Variants in ZFR2 observed in about 807,000 individuals in gnomAD.
ZFR2 encodes the protein zinc finger RNA-binding protein 2.
ZFR2 carries 104 observed loss-of-function variants against 105.7 expected under a neutral mutation model. The ratio of observed to expected loss-of-function variants is 0.98; its 90% confidence interval spans 0.84 to 1.16. The LOEUF is 1.16. Among genes scored for constraint, ZFR2 ranks in the 50% most tolerant of loss-of-function variants. ZFR2 has a pLI of 0.00. For missense variants in ZFR2, 1,425 were observed against 1,355.5 expected (o/e 1.05, Z -0.80); for synonymous variants, 634 against 597.7 (o/e 1.06, Z -0.89).
chr19:3,857,849 C>G (rs1022001689), intron 1 of ZFR2, among the ~76,000 whole-genome samples: 5 of 152,150 alleles, frequency 3.3e-5, no homozygotes, highest in Non-Finnish European at 7.3e-5. Flanking sequence ...CAGCTGCCAT[C>G]TCCATGACAA....
intron 14 of ZFR2, among the ~76,000 whole-genome samples, chr19:3,812,226 G>T (rs949537019): frequency 6.6e-6 from 1 of 152,120 alleles, no homozygotes; most frequent in African/African-American, 2.4e-5. Context: ...TTACAGGCGT[G>T]AGCCACCGCG....
chr19:3,836,932 A>T (rs1186551553), intron 1 of ZFR2, among the ~76,000 whole-genome samples: 1 of 152,236 alleles, frequency 6.6e-6, no homozygotes. Context: ...TATATTAAAA[A>T]GTGAACCTCC....
intron 1 of ZFR2, among the ~76,000 whole-genome samples, chr19:3,851,464 G>A (rs1321875991): frequency 6.6e-6 from 1 of 152,160 alleles, no homozygotes; most frequent in Non-Finnish European, 1.5e-5. Flanking sequence ...GCAAATGCAT[G>A]CACACACACG....
In ZFR2 at chr19:3,806,004, T is replaced by C; in HGVS notation, c.2765A>G (p.Glu922Gly). ...CCGCTTCTTCTCCCCTGCGCCCTCCTCTCCCTCGCCAGGTCCCCGTTGCCT... is the reference window on the plus strand; with the variant it reads ...CCGCTTCTTCTCCCCTGCGCCCTCCCCTCCCTCGCCAGGTCCCCGTTGCCT... Reference protein sequence around the residue: ...RKRQRGPGEGEEGAGEKKRGR... With the variant: ...RKRQRGPGEGGEGAGEKKRGR... The change falls in exon 19 of 19, where the codon GAG becomes GGG. Residue 922 changes from glutamate to glycine, a missense_variant. By Grantham distance (98) the Glu-to-Gly change is moderately conservative. Transcript: ENST00000262961. 1 of 1,546,326 alleles carries C rather than the reference T, an allele frequency of 6.5e-7. No individual in the cohort carries two copies. Among genetic ancestry groups the C allele is most frequent in the Admixed American group, 2.0e-5 (1 of 51,126 alleles).
At chr19:3,850,538 T>C (rs1344807987) in intron 1 of ZFR2, among the ~76,000 whole-genome samples, 1 of 151,974 alleles carries the variant, frequency 6.6e-6, no homozygotes, top group Non-Finnish European at 1.5e-5. Flanking sequence ...ATGAAGGTTA[T>C]ATGACGTCAT....
chr19:3,831,343 T>A lies in ZFR2; in HGVS notation c.812A>T (p.His271Leu), dbSNP rs1340441299. The part of the protein sequence containing the change: ...PKAGPRQLQL[H>L]YCDICKISCA... The stretch of plus-strand genomic sequence containing the variant: ...GCTGATCTTGCAGATGTCGCAGTAG[T>A]GAAGCTGGAGCTGCCTGGGCCCCGC... The change falls in exon 5 of 19, where the codon CAC (histidine) becomes CTC (leucine). Residue 271 changes from histidine to leucine, a missense_variant. Transcript: ENST00000262961. 13 of 1,558,108 alleles carry A rather than the reference T, an allele frequency of 8.3e-6. No homozygotes were observed. Among genetic ancestry groups the A allele is most frequent in the South Asian group, 1.2e-5 (1 of 84,740 alleles).
At position 3,838,406 on chromosome 19, in the gene ZFR2, C is replaced by T. The variant is rs373631243; in HGVS notation, c.54-3423G>A. Among the ~76,000 whole-genome samples, 18 of 152,256 alleles carry T rather than the reference C, an allele frequency of 1.2e-4. 3 individuals carry two copies. Among genetic ancestry groups the T allele is most frequent in the East Asian group, 3.9e-4 (2 of 5,184 alleles). On this transcript the variant is annotated intron_variant, in intron 1 of 18. Coordinates refer to ENST00000262961, the MANE Select transcript of ZFR2 (RefSeq NM_015174.2). This position sits in a 1 kb window ranked among gnomAD's most constrained non-coding sequence, Gnocchi z 4.9. ...TATCCAGGCTGCACTGAGCACCGAC[C>T]GATGAGCCAAAGAGAGGAAGGTGGA...
Position 3,823,360 on chromosome 19 carries a change from C to G in ZFR2, c.1257G>C (p.Gly419=). The G allele has an allele frequency of 6.2e-7, 1 of 1,613,742 alleles. No individual in the cohort carries two copies. The highest frequency in any genetic ancestry group is 8.5e-7 in the Non-Finnish European group (1 of 1,179,740). The change falls in exon 8 of 19, where the codon GGG becomes GGC. Residue 419 remains glycine (G), a synonymous_variant. Transcript: ENST00000262961. This position sits in a 1 kb window ranked among gnomAD's most constrained non-coding sequence, Gnocchi z 5.4. ...PQAAGCRPQW[G]KPAQPKLEGP... Reference sequence around the variant, plus strand: ...CCTCTAATTTAGGTTGGGCTGGTTTCCCCCACTGGGGTCTGCAGCCTGCTG... The same window carrying G: ...CCTCTAATTTAGGTTGGGCTGGTTTGCCCCACTGGGGTCTGCAGCCTGCTG...
intron 9 of ZFR2, 61 bp from the exon 10 acceptor site, chr19:3,821,540 G>A: frequency 6.8e-7 from 1 of 1,468,824 alleles, no homozygotes; most frequent in Non-Finnish European, 9.1e-7. Context: ...GATGCCAGGA[G>A]GATCTTGGGG....
intron 1 of ZFR2, among the ~76,000 whole-genome samples, chr19:3,866,666 C>T (rs1348791298): frequency 6.6e-6 from 1 of 152,008 alleles, no homozygotes; most frequent in Admixed American, 6.6e-5. Context: ...TGGAAGAATA[C>T]AATGGAGAAA....
At chr19:3,855,966 CGGA>C (rs895383223) in intron 1 of ZFR2, among the ~76,000 whole-genome samples, 1 of 152,076 alleles carries the variant, frequency 6.6e-6, no homozygotes, top group African/African-American at 2.4e-5. Flanking sequence ...GGGTTTCCAG[CGGA>C]GGAGGGACAT....
At chr19:3,848,032 C>T (rs947293194) in intron 1 of ZFR2, among the ~76,000 whole-genome samples, 3 of 152,192 alleles carry the variant, frequency 2.0e-5, no homozygotes, top group Non-Finnish European at 4.4e-5. Context: ...ATGATCGGCC[C>T]AAGATATAGT....
In ZFR2 at chr19:3,815,237, C is replaced by G. The variant is rs139059231; in HGVS notation, c.2104-1279G>C. Among the ~76,000 whole-genome samples, 126 of 152,104 alleles carry G rather than the reference C, an allele frequency of 8.3e-4. 1 individual carries two copies. In the East Asian group the frequency reaches 0.019, roughly 23 times the overall value. ...CCTGAGTAGCTGGGATTACAGGCGC[C>G]CACCACCATGCCCGGCTAATTTTTG... On this transcript the variant is annotated intron_variant, in intron 13 of 18. Transcript: ENST00000262961.
intron 15 of ZFR2, 115 bp downstream of exon 15, chr19:3,811,157 G>C (rs1402170043): frequency 9.6e-7 from 1 of 1,042,878 alleles, no homozygotes; most frequent in Non-Finnish European, 1.3e-6. Flanking sequence ...CAGGCGTCCC[G>C]GTCTGCGCTG....
chr19:3,852,976 A>C (rs568398221), intron 1 of ZFR2, among the ~76,000 whole-genome samples: 1 of 152,252 alleles, frequency 6.6e-6, no homozygotes, highest in East Asian at 1.9e-4. Flanking sequence ...TCCAGCCTCA[A>C]ATGTCAAAAG....
chr19:3,820,389 G>T, intron 10 of ZFR2, 99 bp from the exon 11 acceptor site: 1 of 1,187,806 alleles, frequency 8.4e-7, no homozygotes, highest in Non-Finnish European at 1.2e-6. Flanking sequence ...CAGCAAGGAA[G>T]GAAGGGCCAA....
intron 1 of ZFR2, among the ~76,000 whole-genome samples, chr19:3,859,316 C>T (rs746312462): frequency 6.6e-6 from 1 of 152,190 alleles, no homozygotes; most frequent in Non-Finnish European, 1.5e-5. Flanking sequence ...CACAGACTGA[C>T]GGCTGTGCTG....
rs762326913 is a variant in ZFR2 at position 3,816,826 on chromosome 19, G to A, written c.1951C>T (p.Arg651Trp). 19 of 1,568,906 alleles carry A rather than the reference G, an allele frequency of 1.2e-5. No homozygotes were observed. The highest frequency in any genetic ancestry group is 4.7e-5 in the South Asian group (4 of 85,616). ...ACTCGCATGACGCCTTTCAGGACCCGAGTCTGGGGGGCAACGCTGCTGTGG... is the reference window on the plus strand; with the variant it reads ...ACTCGCATGACGCCTTTCAGGACCCAAGTCTGGGGGGCAACGCTGCTGTGG... The part of the protein sequence containing the change: ...DKRSSVAPQT[R>W]VLKGVMRVGI... Residue 651 changes from arginine (R) to tryptophan (W), a missense_variant, in exon 13 of 19, where the codon CGG (arginine) becomes TGG (tryptophan). By Grantham distance (101) the Arg-to-Trp change is moderately radical (BLOSUM62 -3). Coordinates refer to ENST00000262961, the MANE Select transcript of ZFR2 (RefSeq NM_015174.2).
At chr19:3,810,670 T>C (rs2037753000) in intron 16 of ZFR2, 80 bp downstream of exon 16, 1 of 1,341,804 alleles carries the variant, frequency 7.5e-7, no homozygotes, top group Non-Finnish European at 1.0e-6. Context: ...AAAAGGTCTG[T>C]CTCTCAGCCT....
Sources: allele counts gnomAD v4.1 joint callset (sites outside exome capture counted in the v4.1 genomes callset), GRCh38; gene constraint gnomAD v4.1.1; non-coding constraint Gnocchi (gnomAD v3.1); transcripts MANE v1.5; gene names NCBI Gene and HGNC (gene_info 2026-07-23, HGNC 2026-07-21).